SMC2: variants seen among roughly 807,000 people sequenced by gnomAD.
SMC2 encodes the protein structural maintenance of chromosomes 2.
SMC2 carries 41 observed loss-of-function variants against 142.6 expected under a neutral mutation model. The ratio of observed to expected loss-of-function variants is 0.29; its 90% CI spans 0.22 to 0.37. The LOEUF is 0.37. Ranked by LOEUF, SMC2 falls within the 10% of genes least tolerant of loss-of-function variation. The pLI, the probability that SMC2 is intolerant of heterozygous loss-of-function variation, is 1.00. For synonymous variants in SMC2, 463 were observed against 457.5 expected (o/e 1.01, Z -0.15); for missense variants, 1,265 against 1,373.7 (o/e 0.92, Z 1.25).
chr9:104,102,850 G>A (rs920257629), intron 9 of SMC2, among the ~76,000 whole-genome samples: 1 of 152,140 alleles, frequency 6.6e-6, no homozygotes, highest in African/African-American at 2.4e-5. Flanking sequence ...GGGATTAGGA[G>A]TGTAGGGGAA....
chr9:104,093,014 T>C (rs1341263886), upstream of SMC2: 1 of 152,096 alleles, frequency 6.6e-6, no homozygotes, highest in Non-Finnish European at 1.5e-5. Context: ...GAAGGTGCTA[T>C]CCACTAAAGA....
rs1799398811 is a variant in SMC2, at chr9:104,118,365, A to G, written c.1986A>G (p.Thr662=). ...GTGATGTGTTTGATCCTCATGGGAC[A>G]TTGAGTGGAGGTAAGTTTTATATCC... is the stretch of plus-strand genomic sequence containing the variant. ...LGGDVFDPHG[T]LSGGARSQAA... The change falls in exon 15 of 25, where the codon ACA becomes ACG. Residue 662 remains threonine (T), a synonymous_variant. Coordinates refer to ENST00000374793, the MANE Select transcript of SMC2 (RefSeq NM_006444.3). 1 of 1,612,490 alleles carries G rather than the reference A, an allele frequency of 6.2e-7. No individual in the cohort carries two copies. Among genetic ancestry groups the G allele is most frequent in the Non-Finnish European group, 8.5e-7 (1 of 1,178,982 alleles).
intron 16 of SMC2, among the ~76,000 whole-genome samples, chr9:104,122,491 C>T (rs535113376): frequency 1.3e-5 from 2 of 150,560 alleles, no homozygotes; most frequent in East Asian, 1.9e-4. Context: ...TTCCTCAGAC[C>T]TCATGATTTC....
intron 16 of SMC2, among the ~76,000 whole-genome samples, chr9:104,121,356 C>T (rs1251416926): frequency 1.3e-5 from 2 of 151,822 alleles, no homozygotes; most frequent in Admixed American, 6.6e-5. Flanking sequence ...GTTAGTCAGG[C>T]GTGGTGGCAT....
chr9:104,112,722 G>A (rs973971872), intron 10 of SMC2, among the ~76,000 whole-genome samples: 3 of 152,012 alleles, frequency 2.0e-5, no homozygotes, highest in African/African-American at 7.2e-5. Context: ...CCCCATCTAG[G>A]TTTTAGAATA....
intron 13 of SMC2, among the ~76,000 whole-genome samples, chr9:104,115,596 G>T (rs988556264): frequency 6.6e-6 from 1 of 150,440 alleles, no homozygotes; most frequent in Non-Finnish European, 1.5e-5. Flanking sequence ...AAAAAAAAAA[G>T]AAAAAAACAA....
At chr9:104,089,098 CTT>C in the SMC2 span, among the ~76,000 whole-genome samples, 1 of 152,034 alleles carries the variant, frequency 6.6e-6, no homozygotes, top group Non-Finnish European at 1.5e-5. Flanking sequence ...TTAGAATTAA[CTT>C]TGTGTGTAAT....
At chr9:104,102,264 T>A (rs1037471683) in intron 8 of SMC2, 71 bp downstream of exon 8, 1 of 1,058,150 alleles carries the variant, frequency 9.5e-7, no homozygotes. Context: ...TAGTAACTAT[T>A]TAGGATTCAT....
intron 3 of SMC2, among the ~76,000 whole-genome samples, 176 bp downstream of exon 3, chr9:104,096,473 A>G (rs565256250): frequency 3.3e-5 from 5 of 152,390 alleles, no homozygotes; most frequent in African/African-American, 7.2e-5. Context: ...TGCACATTCT[A>G]TCACTAAGAG....
intron 21 of SMC2, among the ~76,000 whole-genome samples, chr9:104,130,164 CTCT>C (rs1284172401): frequency 1.3e-5 from 2 of 152,140 alleles, no homozygotes; most frequent in Non-Finnish European, 2.9e-5. Flanking sequence ...TTCTGTCATC[CTCT>C]TGACTCTACT....
chr9:104,097,092 G>A (rs1408888363), intron 3 of SMC2, among the ~76,000 whole-genome samples: 1 of 140,784 alleles, frequency 7.1e-6, no homozygotes, highest in Non-Finnish European at 1.6e-5. Flanking sequence ...TATTAATATA[G>A]TCAGGCAGTG....
intron 21 of SMC2, among the ~76,000 whole-genome samples, chr9:104,131,031 A>G (rs1834904729): frequency 6.6e-6 from 1 of 152,196 alleles, no homozygotes; most frequent in Non-Finnish European, 1.5e-5. Flanking sequence ...GAAGAGGGAC[A>G]GCAAGGAAAA....
chr9:104,126,823 G>A lies in SMC2; in HGVS notation c.2595+39G>A, dbSNP rs199814260. 3.9e-5 allele frequency: 61 copies of A among 1,560,710 alleles called. No individual in the cohort carries two copies. The African/African-American group carries it at 4.3e-4, about 11-fold the overall frequency. On this transcript the variant is annotated intron_variant, in intron 19 of 24. Transcript: ENST00000374793. ...ATCAAATTCGAGAAATTGAAAATGC[G>A]AATCTTTTTATGAAACATTAGCTTA... is the stretch of plus-strand genomic sequence containing the variant.
At chr9:104,103,612 CAG>C (rs1831415119) in intron 9 of SMC2, among the ~76,000 whole-genome samples, 1 of 152,192 alleles carries the variant, frequency 6.6e-6, no homozygotes, top group African/African-American at 2.4e-5. Flanking sequence ...TCCATGGTAA[CAG>C]AAGAGTCAAG....
In SMC2 at chr9:104,096,350, G is replaced by A. The variant is rs574169856; in HGVS notation, c.318+53G>A. On this transcript the variant is annotated intron_variant, in intron 3 of 24. Coordinates refer to ENST00000374793, the MANE Select transcript of SMC2 (RefSeq NM_006444.3). ...CTTAAGACCTTTTATGTCTGATGTG[G>A]TTTTTGGCCCTATGCCTTTGCAAAA... 7 of 1,575,628 alleles carry A rather than the reference G, an allele frequency of 4.4e-6. No homozygotes were observed. The East Asian group carries it at 1.6e-4, about 35-fold the overall frequency.
In SMC2 at chr9:104,140,008, T is replaced by G. The variant is rs1376632732; in HGVS notation, c.*693T>G. 2.0e-5 allele frequency: 3 copies of G among 152,166 alleles called. No homozygotes were observed. Among genetic ancestry groups the G allele is most frequent in the Non-Finnish European group, 4.4e-5 (3 of 68,008 alleles). The allele number at this position is 152,166 out of a possible 1,614,324, so 9.4% of individuals were successfully genotyped here. A position where few individuals can be genotyped will look rare whatever the true frequency, so the allele number is the denominator to read the frequency against. On this transcript the variant is annotated 3_prime_UTR_variant, in exon 25 of 25. Transcript: ENST00000374793. ...TACGACTTTAATGTTTTTGTTTTTT[T>G]AAGCTGTGTAAGTATTTTTAAATCA...
intron 7 of SMC2, among the ~76,000 whole-genome samples, chr9:104,100,982 G>A (rs1020613930): frequency 1.3e-5 from 2 of 152,168 alleles, no homozygotes; most frequent in South Asian, 2.1e-4. Context: ...CTGTCGCCCA[G>A]GCTGGAGTGC....
At chr9:104,124,279 G>A (rs1564104396) in intron 17 of SMC2, among the ~76,000 whole-genome samples, 1 of 151,972 alleles carries the variant, frequency 6.6e-6, no homozygotes, top group Non-Finnish European at 1.5e-5. Context: ...TAGAGATGAG[G>A]TTTTATCATG....
chr9:104,111,865 C>T, intron 10 of SMC2, 51 bp downstream of exon 10: 1 of 1,292,042 alleles, frequency 7.7e-7, no homozygotes, highest in Non-Finnish European at 1.1e-6. Flanking sequence ...CAAGAAGTTT[C>T]TTTTCATGTT....
Sources: gnomAD v4.1 joint callset for allele counts (sites outside exome capture counted in the v4.1 genomes callset) on GRCh38, gnomAD v4.1.1 for gene constraint, MANE v1.5 for transcripts, NCBI Gene and HGNC (gene_info 2026-07-23, HGNC 2026-07-21) for gene names.